Variants in HFM1 observed in about 807,000 individuals in gnomAD.
HFM1 encodes helicase for meiosis 1.
A neutral mutation model predicts 192.1 loss-of-function variants in HFM1; 169 were observed. The observed-to-expected ratio is 0.88, with a 90% CI of 0.78 to 1.00. HFM1 has a LOEUF of 1.00. Ranked by LOEUF, HFM1 falls within the 50% of genes least tolerant of loss-of-function variation. HFM1 has a pLI of 0.00. For missense variants in HFM1, 1,661 were observed against 1,668.0 expected (o/e 1.00, Z 0.07); for synonymous variants, 525 against 537.8 (o/e 0.98, Z 0.33).
chr1:91,380,827 G>T (rs1661467153), intron 7 of HFM1, 85 bp downstream of exon 7: 1 of 725,138 alleles, frequency 1.4e-6, no homozygotes, highest in Non-Finnish European at 2.5e-6. Context: ...CAGACATAAA[G>T]ATCTAGTAAA....
intron 30 of HFM1, among the ~76,000 whole-genome samples, chr1:91,312,238 C>T (rs1650571820): frequency 6.6e-6 from 1 of 152,128 alleles, no homozygotes; most frequent in Admixed American, 6.5e-5. Flanking sequence ...AGAGGGCCAC[C>T]ATCCTCCAGA....
chr1:91,344,871 C>T (rs550047613), intron 19 of HFM1, among the ~76,000 whole-genome samples: 103 of 151,740 alleles, frequency 6.8e-4, no homozygotes, highest in Non-Finnish European at 1.1e-3. Flanking sequence ...CTCAGTCTCC[C>T]GAGTAGCTGG....
intron 4 of HFM1, among the ~76,000 whole-genome samples, chr1:91,391,414 A>G (rs1662974802): frequency 6.6e-6 from 1 of 152,242 alleles, no homozygotes; most frequent in African/African-American, 2.4e-5. Flanking sequence ...ATATAGACCA[A>G]CAGAAAAGAA....
intron 30 of HFM1, among the ~76,000 whole-genome samples, chr1:91,303,054 G>A (rs1344024144): frequency 1.3e-5 from 2 of 152,002 alleles, no homozygotes; most frequent in African/African-American, 4.8e-5. Context: ...TTTTTAAACT[G>A]TACAATTCAG....
At chr1:91,351,904 T>C (rs1656984214) in intron 16 of HFM1, among the ~76,000 whole-genome samples, 1 of 151,992 alleles carries the variant, frequency 6.6e-6, no homozygotes, top group Non-Finnish European at 1.5e-5. Context: ...TTGGTAACTG[T>C]ATAAAAGTTG....
At chr1:91,395,580 G>A (rs1663559492) in intron 3 of HFM1, among the ~76,000 whole-genome samples, 1 of 151,848 alleles carries the variant, frequency 6.6e-6, no homozygotes, top group Non-Finnish European at 1.5e-5. Context: ...AGACTCCCAA[G>A]TAGCTGGGAC....
At chr1:91,331,279 A>C (rs571668994) in intron 20 of HFM1, among the ~76,000 whole-genome samples, 144 of 152,376 alleles carry the variant, frequency 9.5e-4, no homozygotes, top group African/African-American at 3.4e-3. Flanking sequence ...GTAATGTTGC[A>C]GGATACAACA....
intron 18 of HFM1, among the ~76,000 whole-genome samples, chr1:91,348,469 T>G (rs1656442411): frequency 6.6e-6 from 1 of 152,210 alleles, no homozygotes; most frequent in East Asian, 1.9e-4. Flanking sequence ...TCTAGAGATT[T>G]ATCATACGGA....
chr1:91,347,661 A>T (rs1410289970), intron 18 of HFM1, among the ~76,000 whole-genome samples, 185 bp from the exon 19 acceptor site: 2 of 152,220 alleles, frequency 1.3e-5, no homozygotes, highest in Non-Finnish European at 2.9e-5. Context: ...TATTTTAACA[A>T]GAATGGTATG....
At chr1:91,271,029 T>C (rs1009784837) in intron 34 of HFM1, among the ~76,000 whole-genome samples, 3 of 152,116 alleles carry the variant, frequency 2.0e-5, no homozygotes, top group African/African-American at 7.2e-5. Flanking sequence ...CTCCCTTTCC[T>C]TTGAGGAAAC....
intron 20 of HFM1, among the ~76,000 whole-genome samples, chr1:91,341,418 G>C (rs1375583561): frequency 6.6e-6 from 1 of 152,172 alleles, no homozygotes; most frequent in Non-Finnish European, 1.5e-5. Flanking sequence ...CAGAATCTCT[G>C]ATATACAGGT....
chr1:91,391,629 G>A (rs1473248105), intron 4 of HFM1, among the ~76,000 whole-genome samples: 2 of 152,120 alleles, frequency 1.3e-5, no homozygotes, highest in African/African-American at 4.8e-5. Flanking sequence ...TTAAATGTTA[G>A]ACTAAAACCA....
At chr1:91,316,255 T>C in intron 26 of HFM1, 71 bp from the exon 27 acceptor site, 1 of 1,059,822 alleles carries the variant, frequency 9.4e-7, no homozygotes, top group South Asian at 1.6e-5. Flanking sequence ...TTTTTTAGAA[T>C]AAATAGCTTT....
intron 2 of HFM1, among the ~76,000 whole-genome samples, chr1:91,398,796 G>A (rs1246450313): frequency 1.3e-5 from 2 of 151,814 alleles, no homozygotes; most frequent in African/African-American, 2.4e-5. Flanking sequence ...GGGTTCAAGT[G>A]ATTCTCATGC....
At chr1:91,338,870 G>A (rs1289108494) in intron 20 of HFM1, 14 of 454,594 alleles carry the variant, frequency 3.1e-5, no homozygotes, top group African/African-American at 6.0e-5. Flanking sequence ...ACATGAGTGC[G>A]TAACCTTCTG....
At chr1:91,368,216 G>C (rs1462666478) in intron 13 of HFM1, among the ~76,000 whole-genome samples, 1 of 152,138 alleles carries the variant, frequency 6.6e-6, no homozygotes, top group African/African-American at 2.4e-5. Context: ...AGCAAGGCAG[G>C]CCAACATTCA....
chr1:91,319,724 T>C (rs1229451336), intron 23 of HFM1, among the ~76,000 whole-genome samples: 1 of 152,202 alleles, frequency 6.6e-6, no homozygotes, highest in Non-Finnish European at 1.5e-5. Context: ...GACTGTTACT[T>C]TAACCTCAAC....
rs147635614 is a variant in HFM1 at position 91,273,051 on chromosome 1, C to T, written c.3772+661G>A. Among the ~76,000 whole-genome samples the T allele has an allele frequency of 2.3e-3, 346 of 152,118 alleles. 1 individual carries two copies. Among genetic ancestry groups the T allele is most frequent in the African/African-American group, 7.9e-3 (328 of 41,540 alleles). On this transcript the variant is annotated intron_variant, in intron 34 of 38. Coordinates refer to ENST00000370425, the MANE Select transcript of HFM1 (RefSeq NM_001017975.6). Reference sequence around the variant, plus strand: ...TAGCATTATTCAGGGAAATTATGCTCTATTAATTGCAGGAACCAGAGTAAT... The same window carrying T: ...TAGCATTATTCAGGGAAATTATGCTTTATTAATTGCAGGAACCAGAGTAAT...
At position 91,378,487 on chromosome 1, in the gene HFM1, A is replaced by AG. The variant is rs769873633; in HGVS notation, c.1159-8dup. ...TCATGCTATCCCATTTTTCCTAGAG[A>AG]GAAAAAAAAGCATACAAGTAGTTTA... On this transcript the variant is annotated splice_polypyrimidine_tract_variant and splice_region_variant and intron_variant, in intron 9 of 38. Transcript: ENST00000370425. 1.3e-6 allele frequency: 2 copies of AG among 1,553,698 alleles called. No individual in the cohort carries two copies. Among genetic ancestry groups the AG allele is most frequent in the African/African-American group, 1.4e-5 (1 of 73,652 alleles).
Sources: gnomAD v4.1 joint callset for allele counts (sites outside exome capture counted in the v4.1 genomes callset) on GRCh38, gnomAD v4.1.1 for gene constraint, MANE v1.5 for transcripts, NCBI Gene and HGNC (gene_info 2026-07-23, HGNC 2026-07-21) for gene names.